DTWD1: variants seen among roughly 807,000 people sequenced by gnomAD.
DTWD1 encodes DTW motif tRNA-uridine aminocarboxypropyltransferase 1, also known as tRNA-uridine aminocarboxypropyltransferase 1.
Under a neutral mutation model 30.2 loss-of-function variants are expected in DTWD1, and 27 were observed. The observed-to-expected ratio is 0.90, with a 90% confidence interval of 0.66 to 1.23. The LOEUF is 1.23. Ranked by LOEUF, DTWD1 falls within the 50% of genes most tolerant of loss-of-function variation. The probability of loss-of-function intolerance (pLI) is 0.00; values close to 1 mark genes in which losing one functional copy is unlikely to be tolerated. For missense variants in DTWD1, 342 were observed against 348.8 expected (o/e 0.98, Z 0.15); for synonymous variants, 99 against 113.1 (o/e 0.88, Z 0.79).
intron 4 of DTWD1, among the ~76,000 whole-genome samples, chr15:49,641,208 A>G (rs1157564267): frequency 6.6e-6 from 1 of 151,878 alleles, no homozygotes; most frequent in Non-Finnish European, 1.5e-5. Context: ...AAATAATTGG[A>G]TCTACTTTCT....
At chr15:49,633,953 C>T (rs1054851994) in intron 3 of DTWD1, among the ~76,000 whole-genome samples, 3 of 152,194 alleles carry the variant, frequency 2.0e-5, no homozygotes, top group Admixed American at 2.0e-4. Context: ...AATAAATATA[C>T]TTAGATATTG....
At chr15:49,625,019 A>G in intron 1 of DTWD1, 94 bp from the exon 2 acceptor site, 1 of 778,582 alleles carries the variant, frequency 1.3e-6, no homozygotes, top group Non-Finnish European at 2.0e-6. Context: ...AAAACAGCAC[A>G]CAATTGTGAC....
At chr15:49,622,647 A>G (rs141355893) in intron 1 of DTWD1, among the ~76,000 whole-genome samples, 1 of 152,174 alleles carries the variant, frequency 6.6e-6, no homozygotes, top group African/African-American at 2.4e-5. Context: ...ATGTTTTAAA[A>G]ATTTTAAATA....
rs1201820996 is a variant in DTWD1, at chr15:49,643,597, T to C, written c.*19T>C. 3.2e-6 allele frequency: 5 copies of C among 1,557,904 alleles called. No homozygotes were observed. Among genetic ancestry groups the C allele is most frequent in the East Asian group, 2.3e-5 (1 of 44,004 alleles). ...ACATTAGTTTTTAACAAGCCACTTATGTCTTTTTATTTTGCTAACATTAAT... is the reference window on the plus strand; with the variant it reads ...ACATTAGTTTTTAACAAGCCACTTACGTCTTTTTATTTTGCTAACATTAAT... On this transcript the variant is annotated 3_prime_UTR_variant, in exon 5 of 5. Coordinates refer to ENST00000403028, the MANE Select transcript of DTWD1 (RefSeq NM_001144955.2).
At chr15:49,634,409 A>T in intron 3 of DTWD1, 127 bp from the exon 4 acceptor site, 1 of 1,088,422 alleles carries the variant, frequency 9.2e-7, no homozygotes, top group Non-Finnish European at 1.3e-6. Flanking sequence ...ACCATATACA[A>T]TAGAACCAAC....
Position 49,655,364 on chromosome 15 carries a change from G to A in DTWD1, c.*11786G>A, listed in dbSNP as rs1171718684. The A allele has an allele frequency of 1.3e-5, 2 of 152,016 alleles. No homozygotes were observed. Among genetic ancestry groups the A allele is most frequent in the Admixed American group, 1.3e-4 (2 of 15,250 alleles). The allele number at this position is 152,016 out of a possible 1,614,324, so 9.4% of individuals were successfully genotyped here. A position where few individuals can be genotyped will look rare whatever the true frequency, so the allele number is the denominator to read the frequency against. On this transcript the variant is annotated 3_prime_UTR_variant, in exon 5 of 5. Transcript: ENST00000403028. ...AACAGTCTTTTCGTTAGTAGAAGAG[G>A]GGGTAAGAAAGAAAGACTTATGAAG...
At position 49,643,793 on chromosome 15, in the gene DTWD1, T is replaced by C; in HGVS notation, c.*215T>C. 3 of 425,330 alleles carry C rather than the reference T, an allele frequency of 7.1e-6. No homozygotes were observed. The East Asian group carries it at 1.4e-4, about 20-fold the overall frequency. 26.3% of individuals were successfully genotyped at this position (425,330 alleles called of 1,614,324 possible). On this transcript the variant is annotated 3_prime_UTR_variant, in exon 5 of 5. Coordinates refer to ENST00000403028, the MANE Select transcript of DTWD1 (RefSeq NM_001144955.2). ...TGATTGAAAAACTTACTTCAGAAGT[T>C]ATTTGCTCAGTGAAACCTCAGTTTC...
At position 49,654,111 on chromosome 15, in the gene DTWD1, C is replaced by T. The variant is rs144989350; in HGVS notation, c.*10533C>T. 83 of 152,070 alleles carry T rather than the reference C, an allele frequency of 5.5e-4. No individual in the cohort carries two copies. The highest frequency in any genetic ancestry group is 2.0e-3 in the African/African-American group (81 of 41,512). The allele number at this position is 152,070 out of a possible 1,614,324, so 9.4% of individuals were successfully genotyped here. ...GTGTGGTGTTCCTATCCTAGAAAAC[C>T]TTAACTGGGACAAGCTACTCTCAAG... On this transcript the variant is annotated 3_prime_UTR_variant, in exon 5 of 5. Coordinates refer to ENST00000403028, the MANE Select transcript of DTWD1 (RefSeq NM_001144955.2).
intron 3 of DTWD1, among the ~76,000 whole-genome samples, chr15:49,633,058 T>TATATAG (rs1474311061): frequency 4.1e-5 from 6 of 146,360 alleles, no homozygotes; most frequent in Non-Finnish European, 7.5e-5. Context: ...TCTATATATA[T>TATATAG]ATATATATAT....
rs568572340 is a variant in DTWD1 at position 49,639,534 on chromosome 15, C to G, written c.668-3797C>G. The stretch of plus-strand genomic sequence containing the variant: ...CTATGCTCATGCCACTGAACTCCAG[C>G]CTGGACAACAGAGCAAAATCCCACC... On this transcript the variant is annotated intron_variant, in intron 4 of 4. Coordinates refer to ENST00000403028, the MANE Select transcript of DTWD1 (RefSeq NM_001144955.2). 2.0e-5 allele frequency among the ~76,000 whole-genome samples: 3 copies of G among 152,168 alleles called. No homozygotes were observed. In the South Asian group the frequency reaches 6.2e-4, roughly 32 times the overall value.
chr15:49,633,678 T>C, intron 3 of DTWD1: 1 of 230,072 alleles, frequency 4.3e-6, no homozygotes, highest in African/African-American at 2.4e-5. Flanking sequence ...GATTTTGTTT[T>C]TATCTTTTTA....
chr15:49,656,106 G>T lies in DTWD1; in HGVS notation c.*12528G>T, dbSNP rs2079175046. The T allele has an allele frequency of 6.6e-6, 1 of 151,898 alleles. No individual in the cohort carries two copies. Among genetic ancestry groups the T allele is most frequent in the Non-Finnish European group, 1.5e-5 (1 of 67,920 alleles). 9.4% of individuals were successfully genotyped at this position (151,898 alleles called of 1,614,324 possible). A position where few individuals can be genotyped will look rare whatever the true frequency, so the allele number is the denominator to read the frequency against. ...AGAAAGAAAGATGAATAAAAGTTCT[G>T]GTTTTACTTTTAAAAGTGAAGGCTA... On this transcript the variant is annotated 3_prime_UTR_variant, in exon 5 of 5. Transcript: ENST00000403028.
chr15:49,647,816 T>C lies in DTWD1; in HGVS notation c.*4238T>C, dbSNP rs996253713. On this transcript the variant is annotated 3_prime_UTR_variant, in exon 5 of 5. Coordinates refer to ENST00000403028, the MANE Select transcript of DTWD1 (RefSeq NM_001144955.2). The stretch of plus-strand genomic sequence containing the variant: ...AGAATAATGGCAACAAAAAAAAAAC[T>C]GTCTTCAAAATAAGAGTATATTATA... 2.7e-5 allele frequency: 4 copies of C among 149,162 alleles called. No homozygotes were observed. Among genetic ancestry groups the C allele is most frequent in the African/African-American group, 9.8e-5 (4 of 40,792 alleles). The allele number at this position is 149,162 out of a possible 1,614,324, so 9.2% of individuals were successfully genotyped here. A position where few individuals can be genotyped will look rare whatever the true frequency, so the allele number is the denominator to read the frequency against.
At chr15:49,642,488 A>G (rs1032922183) in intron 4 of DTWD1, among the ~76,000 whole-genome samples, 7 of 152,206 alleles carry the variant, frequency 4.6e-5, no homozygotes, top group Non-Finnish European at 1.0e-4. Context: ...CAAGCAAACA[A>G]AAGAAACCAC....
intron 1 of DTWD1, among the ~76,000 whole-genome samples, chr15:49,622,998 G>GT (rs753186047): frequency 3.7e-4 from 57 of 152,306 alleles, no homozygotes; most frequent in Middle Eastern, 3.4e-3. Flanking sequence ...TATTTCTGAG[G>GT]TATCTCTAGG....
chr15:49,642,115 T>C (rs965156221), intron 4 of DTWD1, among the ~76,000 whole-genome samples: 6 of 152,216 alleles, frequency 3.9e-5, no homozygotes, highest in African/African-American at 1.4e-4. Context: ...TCTTTTATTA[T>C]TTATTTCTTG....
At chr15:49,637,088 ATTAG>A (rs1045802179) in intron 4 of DTWD1, among the ~76,000 whole-genome samples, 5 of 152,108 alleles carry the variant, frequency 3.3e-5, no homozygotes, top group African/African-American at 1.2e-4. Context: ...TTCTTCCTAC[ATTAG>A]TTAGCCAGTA....
intron 3 of DTWD1, among the ~76,000 whole-genome samples, chr15:49,633,049 C>CTATATATCTA (rs2078948133): frequency 8.5e-6 from 1 of 117,316 alleles, no homozygotes; most frequent in Non-Finnish European, 1.7e-5. Flanking sequence ...ATATCTATAT[C>CTATATATCTA]TATATATATA....
chr15:49,636,421 G>A (rs2079003833), intron 4 of DTWD1, among the ~76,000 whole-genome samples: 1 of 151,546 alleles, frequency 6.6e-6, no homozygotes, highest in Non-Finnish European at 1.5e-5. Context: ...CTAATATACT[G>A]TCCATATTCA....
Sources: allele counts gnomAD v4.1 joint callset (sites outside exome capture counted in the v4.1 genomes callset), GRCh38; gene constraint gnomAD v4.1.1; transcripts MANE v1.5; gene names NCBI Gene and HGNC (gene_info 2026-07-23, HGNC 2026-07-21).